The following PTK2 variants were observed in gnomAD, a reference collection of about 807,000 sequenced individuals.
PTK2 encodes focal adhesion kinase 1.
A neutral mutation model predicts 150.1 loss-of-function variants in PTK2; 45 were observed. That is an observed-to-expected ratio of 0.30 (90% CI 0.24 to 0.38). The LOEUF (loss-of-function observed/expected upper bound fraction) is 0.38, where lower values mean the gene tolerates loss of function less well. PTK2 is among the 10% of genes least tolerant of loss of function. The probability of loss-of-function intolerance (pLI) is 1.00; values close to 1 mark genes in which losing one functional copy is unlikely to be tolerated. For missense variants in PTK2, 919 were observed against 1,307.3 expected, an observed-to-expected ratio of 0.70 and a Z score of 4.58; for synonymous variants, 432 against 449.2, an observed-to-expected ratio of 0.96 and a Z score of 0.48.
intron 22 of PTK2, among the ~76,000 whole-genome samples, chr8:140,730,828 G>A (rs934624793): frequency 6.6e-6 from 1 of 151,960 alleles, no homozygotes; most frequent in Admixed American, 6.6e-5. Context: ...GTCAAGAAGA[G>A]TACTGTTGGG....
At chr8:140,923,927 T>C (rs1343346238) in intron 2 of PTK2, among the ~76,000 whole-genome samples, 2 of 152,200 alleles carry the variant, frequency 1.3e-5, no homozygotes, top group Non-Finnish European at 2.9e-5. Context: ...CCCTACACTC[T>C]ATTCACAACC....
intron 15 of PTK2, among the ~76,000 whole-genome samples, chr8:140,763,153 G>A (rs2100070300): frequency 6.6e-6 from 1 of 152,142 alleles, no homozygotes; most frequent in South Asian, 2.1e-4. Flanking sequence ...TTTCAGCTCT[G>A]GCCTCTTTCG....
At chr8:140,745,503 A>C (rs1565514478) in intron 18 of PTK2, among the ~76,000 whole-genome samples, 1 of 152,076 alleles carries the variant, frequency 6.6e-6, no homozygotes, top group African/African-American at 2.4e-5. Flanking sequence ...ATACATAAGC[A>C]CTCCATTTGA....
intron 1 of PTK2, among the ~76,000 whole-genome samples, chr8:140,931,142 G>A (rs949234898): frequency 6.6e-6 from 1 of 151,492 alleles, no homozygotes; most frequent in Admixed American, 6.6e-5. Flanking sequence ...ACATGGATAT[G>A]CAATGAACCA....
At chr8:140,927,457 GTTAC>G (rs1255214959) in intron 1 of PTK2, 1 of 152,150 alleles carries the variant, frequency 6.6e-6, no homozygotes, top group East Asian at 1.9e-4. Context: ...AAGGCTCTGG[GTTAC>G]TTGTCAGAAA....
At chr8:140,795,148 T>C (rs191624440) in intron 12 of PTK2, among the ~76,000 whole-genome samples, 132 of 152,330 alleles carry the variant, frequency 8.7e-4, no homozygotes, top group Non-Finnish European at 1.5e-3. Flanking sequence ...GCCTCCTGAT[T>C]GGTCCCTCTA....
chr8:140,818,131 C>A, intron 10 of PTK2, 146 bp downstream of exon 10: 1 of 697,810 alleles, frequency 1.4e-6, no homozygotes. Flanking sequence ...CTTTCTCTTA[C>A]TTGTCCCCCA....
intron 26 of PTK2, 162 bp downstream of exon 29, chr8:140,700,729 G>A: frequency 1.2e-6 from 1 of 816,114 alleles, no homozygotes; most frequent in Non-Finnish European, 1.8e-6. Flanking sequence ...GCTTGCCTCA[G>A]CCTCCCAAAT....
chr8:140,911,358 T>G (rs2100163085), intron 2 of PTK2, among the ~76,000 whole-genome samples: 1 of 152,074 alleles, frequency 6.6e-6, no homozygotes. Context: ...TTTAAATCTT[T>G]TCAATCTTAC....
intron 23 of PTK2, among the ~76,000 whole-genome samples, chr8:140,706,730 T>C (rs1367450409): frequency 6.6e-6 from 1 of 152,162 alleles, no homozygotes; most frequent in African/African-American, 2.4e-5. Context: ...TTCAGGTATA[T>C]GTAAAGTCCA....
At chr8:140,953,193 C>T (rs1203709947) in intron 1 of PTK2, among the ~76,000 whole-genome samples, 1 of 151,898 alleles carries the variant, frequency 6.6e-6, no homozygotes, top group African/African-American at 2.4e-5. Context: ...TGCTCCTAGT[C>T]CCCCCCAGTA....
At chr8:140,994,503 T>C (rs934396361) in intron 1 of PTK2, among the ~76,000 whole-genome samples, 1 of 152,178 alleles carries the variant, frequency 6.6e-6, no homozygotes, top group Non-Finnish European at 1.5e-5. Context: ...TGTGGTGATC[T>C]GTGAACAGGG....
chr8:140,849,172 C>T (rs987428510), intron 5 of PTK2, among the ~76,000 whole-genome samples: 4 of 152,012 alleles, frequency 2.6e-5, no homozygotes, highest in East Asian at 1.9e-4. Context: ...ATTTGTGGCC[C>T]GATGTGATCA....
intron 23 of PTK2, among the ~76,000 whole-genome samples, chr8:140,713,118 A>T (rs752702555): frequency 2.6e-5 from 4 of 152,206 alleles, no homozygotes; most frequent in Non-Finnish European, 4.4e-5. Context: ...CTGCTTCATC[A>T]AGGCCATTCT....
Position 140,888,840 on chromosome 8 carries a change from T to C in PTK2, c.195+1703A>G, listed in dbSNP as rs576931836. ...CCTGTATGAATGCCCTAGAGTTCAT[T>C]AGGGCTGATACAATGGTTTTATTGG... On this transcript the variant is annotated intron_variant, in intron 3 of 31. Coordinates refer to ENST00000522684, the Ensembl canonical transcript of PTK2. 8.9e-4 allele frequency among the ~76,000 whole-genome samples: 135 copies of C among 152,302 alleles called. 1 individual carries two copies. The Middle Eastern group carries it at 0.017, about 19-fold the overall frequency.
chr8:140,843,043 G>A (rs1028709968), intron 7 of PTK2, among the ~76,000 whole-genome samples: 3 of 152,028 alleles, frequency 2.0e-5, no homozygotes, highest in East Asian at 1.9e-4. Context: ...CAAAAACTGC[G>A]TAAGGTTTTG....
intron 1 of PTK2, among the ~76,000 whole-genome samples, chr8:140,949,236 G>A (rs765312818): frequency 6.6e-6 from 1 of 152,082 alleles, no homozygotes; most frequent in Non-Finnish European, 1.5e-5. Flanking sequence ...TACAAAACGT[G>A]TTAATCAACT....
At chr8:140,811,041 C>G (rs867724412) in intron 10 of PTK2, among the ~76,000 whole-genome samples, 2 of 152,234 alleles carry the variant, frequency 1.3e-5, no homozygotes, top group Admixed American at 6.5e-5. Context: ...AGCAACCTGC[C>G]GGGCTGATGA....
Position 140,738,988 on chromosome 8 carries a change from A to G in PTK2, c.1825+30T>C, listed in dbSNP as rs914172471. The G allele has an allele frequency of 1.1e-5, 15 of 1,402,132 alleles. No homozygotes were observed. The African/African-American group carries it at 2.0e-4, about 19-fold the overall frequency. 86.9% of individuals were successfully genotyped at this position (1,402,132 alleles called of 1,614,324 possible). On this transcript the variant is annotated intron_variant, in intron 21 of 31. Transcript: ENST00000522684. ...GTATAACATATGAAATATAATTTTT[A>G]AAGAATACAAAACTTTTAAGAGTAC...
Sources: gnomAD v4.1 joint callset for allele counts (sites outside exome capture counted in the v4.1 genomes callset) on GRCh38, gnomAD v4.1.1 for gene constraint, MANE v1.5 for transcripts, NCBI Gene and HGNC (gene_info 2026-07-23, HGNC 2026-07-21) for gene names.